EML5: variants seen among roughly 807,000 people sequenced by gnomAD.
EML5 encodes the protein echinoderm microtubule-associated protein-like 5.
A neutral mutation model predicts 250.0 loss-of-function variants in EML5; 120 were observed. The observed-to-expected ratio is 0.48, with a 90% confidence interval of 0.41 to 0.56. EML5 has a LOEUF of 0.56. EML5 is among the 20% of genes least tolerant of loss of function. The probability of loss-of-function intolerance (pLI) is 0.00; values close to 1 mark genes in which losing one functional copy is unlikely to be tolerated. For synonymous variants in EML5, 771 were observed against 806.5 expected (o/e 0.96, Z 0.75); for missense variants, 2,006 against 2,437.6 (o/e 0.82, Z 3.73).
Position 88,620,711 on chromosome 14 carries a change from A to T in EML5, c.5375+43T>A. The stretch of plus-strand genomic sequence containing the variant: ...TGGAAAATTTTACAAATGGAAGTTA[A>T]ATCAAGTATATACTAGAAACTCTAT... On this transcript the variant is annotated intron_variant, in intron 39 of 43. Transcript: ENST00000554922. The surrounding 1 kb of genome is among the most constrained non-coding windows in gnomAD (Gnocchi z 4.3). 7.1e-7 allele frequency: 1 copy of T among 1,408,952 alleles called. No individual in the cohort carries two copies. The highest frequency in any genetic ancestry group is 9.3e-7 in the Non-Finnish European group (1 of 1,078,470). 87.3% of individuals were successfully genotyped at this position (1,408,952 alleles called of 1,614,324 possible).
intron 7 of EML5, among the ~76,000 whole-genome samples, chr14:88,732,892 C>T (rs929560257): frequency 6.6e-6 from 1 of 152,166 alleles, no homozygotes; most frequent in African/African-American, 2.4e-5. Flanking sequence ...CTTATTGCAA[C>T]TTCTGCCTCC....
At chr14:88,691,253 T>C (rs1291717055) in intron 17 of EML5, among the ~76,000 whole-genome samples, 1 of 152,140 alleles carries the variant, frequency 6.6e-6, no homozygotes, top group African/African-American at 2.4e-5. Flanking sequence ...AACCAAAACC[T>C]GCCAGACCCA....
intron 29 of EML5, 80 bp downstream of exon 29, chr14:88,646,867 C>A: frequency 7.0e-7 from 1 of 1,432,160 alleles, no homozygotes; most frequent in Non-Finnish European, 9.5e-7. Context: ...CACTAAGTAA[C>A]AGTATCCCAT....
intron 18 of EML5, among the ~76,000 whole-genome samples, chr14:88,687,609 T>C (rs1173727100): frequency 1.3e-5 from 2 of 152,134 alleles, no homozygotes; most frequent in African/African-American, 4.8e-5. Context: ...CTCAGAAAGT[T>C]ACATATATCC....
intron 8 of EML5, among the ~76,000 whole-genome samples, chr14:88,718,679 T>C (rs1007439536): frequency 1.2e-4 from 19 of 152,062 alleles, no homozygotes; most frequent in Non-Finnish European, 2.1e-4. Flanking sequence ...AGGTTGATAA[T>C]TAGAAGAAAA....
rs536721074 is a variant in EML5 at position 88,667,117 on chromosome 14, C to T, written c.3125-1628G>A. Among the ~76,000 whole-genome samples, 30 of 152,188 alleles carry T rather than the reference C, an allele frequency of 2.0e-4. 1 individual carries two copies. The highest frequency in any genetic ancestry group is 7.2e-4 in the African/African-American group (30 of 41,526). On this transcript the variant is annotated intron_variant, in intron 21 of 43. Coordinates refer to ENST00000554922, the MANE Select transcript of EML5 (RefSeq NM_183387.3). ...GAGATGGGATAAACTAGAGGAGGAA[C>T]CACCAGTGCTTAGTTCTGTACAAAT...
intron 1 of EML5, among the ~76,000 whole-genome samples, chr14:88,769,172 A>C (rs187388808): frequency 6.6e-6 from 1 of 152,320 alleles, no homozygotes; most frequent in African/African-American, 2.4e-5. Context: ...ACCAAATCTC[A>C]TGTTGAAATG....
At position 88,788,774 on chromosome 14, in the gene EML5, C is replaced by G. The variant is rs150152347; in HGVS notation, c.197+3533G>C. On this transcript the variant is annotated intron_variant, in intron 1 of 43. Transcript: ENST00000554922. ...AATAAATTTGAAAAGATATTGCACT[C>G]TGGCTGCACACGGTGGCTCACATCT... Among the ~76,000 whole-genome samples, 636 of 152,114 alleles carry G rather than the reference C, an allele frequency of 4.2e-3. 4 individuals carry two copies. The highest frequency in any genetic ancestry group is 0.031 in the South Asian group (151 of 4,812).
intron 7 of EML5, among the ~76,000 whole-genome samples, chr14:88,735,047 A>G (rs1013632226): frequency 2.0e-5 from 3 of 152,214 alleles, no homozygotes; most frequent in African/African-American, 7.2e-5. Context: ...TATCTTTTAA[A>G]GATACAAACA....
intron 8 of EML5, among the ~76,000 whole-genome samples, chr14:88,725,426 T>A (rs114777381): frequency 1.3e-5 from 2 of 152,162 alleles, no homozygotes; most frequent in Non-Finnish European, 2.9e-5. Flanking sequence ...CTGTTCATAA[T>A]GGGGAGATGT....
In EML5 at chr14:88,658,361, C is replaced by T. The variant is rs71425324; in HGVS notation, c.3703G>A (p.Val1235Met). 2 of 1,612,234 alleles carry T rather than the reference C, an allele frequency of 1.2e-6. No individual in the cohort carries two copies. The highest frequency in any genetic ancestry group is 1.7e-5 in the Admixed American group (1 of 59,882). The change falls in exon 26 of 44, where the codon GTG becomes ATG. Residue 1235 changes from valine to methionine, a missense_variant. By Grantham distance (21) the Val-to-Met change is conservative. Coordinates refer to ENST00000554922, the MANE Select transcript of EML5 (RefSeq NM_183387.3). Reference protein sequence around the residue: ...KGKFGKFKRYVAHSTHVTNVR... With the variant: ...KGKFGKFKRYMAHSTHVTNVR... The stretch of plus-strand genomic sequence containing the variant: ...TTTGTGACATGTGTACTATGGGCCA[C>T]ATACCTCTTAAACTTTCCAAATTTC...
At chr14:88,752,948 T>C (rs1367094899) in intron 2 of EML5, among the ~76,000 whole-genome samples, 1 of 152,148 alleles carries the variant, frequency 6.6e-6, no homozygotes, top group African/African-American at 2.4e-5. Context: ...CATTGCTCAA[T>C]AAAATCCTCC....
rs191718089 is a variant in EML5, at chr14:88,762,899, C to T, written c.198-8228G>A. 6.2e-4 allele frequency among the ~76,000 whole-genome samples: 94 copies of T among 152,262 alleles called. 2 individuals are homozygous for T. The East Asian group carries it at 0.016, about 26-fold the overall frequency. On this transcript the variant is annotated intron_variant, in intron 1 of 43. Transcript: ENST00000554922. ...AACTACACGGAAACTGAACAACCTGCTCCTGAGTGACTACTGGGTAAATAA... is the reference window on the plus strand; with the variant it reads ...AACTACACGGAAACTGAACAACCTGTTCCTGAGTGACTACTGGGTAAATAA...
chr14:88,613,850 G>C lies in EML5; in HGVS notation c.*1968C>G, dbSNP rs1187105311. The C allele has an allele frequency of 1.3e-5, 2 of 152,194 alleles. No individual in the cohort carries two copies. The highest frequency in any genetic ancestry group is 3.8e-4 in the East Asian group (2 of 5,206). The allele number at this position is 152,194 out of a possible 1,614,324, so 9.4% of individuals were successfully genotyped here. ...GGGTTAAAAAAGTAAACATAGGGCAGATTCTATATGGCCTATCATGTTTCT... is the reference window on the plus strand; with the variant it reads ...GGGTTAAAAAAGTAAACATAGGGCACATTCTATATGGCCTATCATGTTTCT... On this transcript the variant is annotated 3_prime_UTR_variant, in exon 44 of 44. Transcript: ENST00000554922.
chr14:88,679,623 C>T (rs541351615), intron 21 of EML5, among the ~76,000 whole-genome samples: 11 of 152,034 alleles, frequency 7.2e-5, no homozygotes, highest in Admixed American at 1.3e-4. Flanking sequence ...ACCTGGGAGG[C>T]GGAGGATGCA....
intron 21 of EML5, among the ~76,000 whole-genome samples, chr14:88,669,956 G>T (rs2092412821): frequency 6.6e-6 from 1 of 152,122 alleles, no homozygotes; most frequent in Non-Finnish European, 1.5e-5. Flanking sequence ...AGGGACCCAG[G>T]CAAAGAAGGT....
At position 88,660,121 on chromosome 14, in the gene EML5, A is replaced by AT. The variant is rs869102758; in HGVS notation, c.3675+1532dup. On this transcript the variant is annotated intron_variant, in intron 25 of 43. Coordinates refer to ENST00000554922, the MANE Select transcript of EML5 (RefSeq NM_183387.3). Reference sequence around the variant, plus strand: ...GGAGACCCCATCTCTACAAAAAAAAATTTTTTTTTACATTAGCCAGGCATG... The same window carrying AT: ...GGAGACCCCATCTCTACAAAAAAAAATTTTTTTTTTACATTAGCCAGGCATG... 4.6e-5 allele frequency among the ~76,000 whole-genome samples: 7 copies of AT among 151,094 alleles called. No individual in the cohort carries two copies. In the East Asian group the frequency reaches 5.8e-4, roughly 13 times the overall value.
intron 33 of EML5, among the ~76,000 whole-genome samples, chr14:88,629,819 C>T (rs1449011137): frequency 6.6e-6 from 1 of 152,092 alleles, no homozygotes; most frequent in Non-Finnish European, 1.5e-5. Context: ...ATCCAGGTTC[C>T]ACTCTTGCTC....
At chr14:88,736,945 T>G (rs955058558) in intron 6 of EML5, among the ~76,000 whole-genome samples, 14 of 151,914 alleles carry the variant, frequency 9.2e-5, no homozygotes, top group Non-Finnish European at 1.8e-4. Flanking sequence ...GACTCAGCCA[T>G]ATTTGGGGAC....
Sources: allele counts gnomAD v4.1 joint callset (sites outside exome capture counted in the v4.1 genomes callset), GRCh38; gene constraint gnomAD v4.1.1; non-coding constraint Gnocchi (gnomAD v3.1); transcripts MANE v1.5; gene names NCBI Gene and HGNC (gene_info 2026-07-23, HGNC 2026-07-21).